EPSTI1: variants seen among roughly 807,000 people sequenced by gnomAD.
EPSTI1 encodes epithelial-stromal interaction protein 1.
A neutral mutation model predicts 49.9 loss-of-function variants in EPSTI1; 66 were observed. The ratio of observed to expected loss-of-function variants is 1.32; its 90% confidence interval spans 1.08 to 1.62. EPSTI1 has a LOEUF of 1.62. EPSTI1 is among the 40% of genes most tolerant of loss of function. EPSTI1 has a pLI of 0.00. For synonymous variants in EPSTI1, 137 were observed against 130.7 expected (o/e 1.05, Z -0.33); for missense variants, 394 against 365.5 (o/e 1.08, Z -0.64).
At chr13:42,955,695 G>A (rs755082679) in intron 5 of EPSTI1, among the ~76,000 whole-genome samples, 1 of 151,936 alleles carries the variant, frequency 6.6e-6, no homozygotes, top group Non-Finnish European at 1.5e-5. Context: ...CAAGCTACTC[G>A]GGAGGCTGAG....
intron 6 of EPSTI1, among the ~76,000 whole-genome samples, chr13:42,948,691 G>T (rs917794877): frequency 6.6e-6 from 1 of 151,954 alleles, no homozygotes; most frequent in African/African-American, 2.4e-5. Flanking sequence ...TGCCCAAGCT[G>T]GTCTTGAACT....
At chr13:42,894,145 C>T (rs2037119578) in intron 10 of EPSTI1, among the ~76,000 whole-genome samples, 1 of 152,208 alleles carries the variant, frequency 6.6e-6, no homozygotes, top group Non-Finnish European at 1.5e-5. Flanking sequence ...AAGGTACATG[C>T]TGTAAGATTT....
chr13:42,960,661 C>A (rs1236147053), intron 5 of EPSTI1, among the ~76,000 whole-genome samples: 1 of 152,158 alleles, frequency 6.6e-6, no homozygotes, highest in African/African-American at 2.4e-5. Flanking sequence ...TATCAATGGG[C>A]TAAAATCAAG....
intron 1 of EPSTI1, among the ~76,000 whole-genome samples, chr13:42,979,764 C>T (rs2039955207): frequency 6.6e-6 from 1 of 152,026 alleles, no homozygotes; most frequent in African/African-American, 2.4e-5. Context: ...AACACATCAT[C>T]CCTAAATATT....
chr13:42,923,035 T>A (rs1195389471), intron 7 of EPSTI1, among the ~76,000 whole-genome samples: 1 of 152,174 alleles, frequency 6.6e-6, no homozygotes, highest in African/African-American at 2.4e-5. Flanking sequence ...AGCAAAGATT[T>A]AGACTCGAGG....
chr13:42,937,025 G>A (rs563652988), intron 6 of EPSTI1, among the ~76,000 whole-genome samples: 10 of 151,560 alleles, frequency 6.6e-5, no homozygotes, highest in Non-Finnish European at 7.4e-5. Flanking sequence ...ATAGTCATAC[G>A]TCAGAGATAT....
chr13:42,895,481 G>C (rs2037164123), intron 9 of EPSTI1, among the ~76,000 whole-genome samples: 2 of 152,126 alleles, frequency 1.3e-5, no homozygotes, highest in African/African-American at 2.4e-5. Context: ...AAAACATGAA[G>C]AAGAACCAAA....
At chr13:42,912,553 TC>T in intron 8 of EPSTI1, among the ~76,000 whole-genome samples, 1 of 152,010 alleles carries the variant, frequency 6.6e-6, no homozygotes, top group Non-Finnish European at 1.5e-5. Flanking sequence ...GAGAAAGAAT[TC>T]CATGGGAGAT....
At chr13:42,984,537 T>C (rs909123326) in intron 1 of EPSTI1, among the ~76,000 whole-genome samples, 2 of 152,226 alleles carry the variant, frequency 1.3e-5, no homozygotes, top group Non-Finnish European at 2.9e-5. Flanking sequence ...TTGCAGAAAA[T>C]AGACACTAAA....
chr13:42,948,111 G>A lies in EPSTI1; in HGVS notation c.563+5837C>T, dbSNP rs183584894. On this transcript the variant is annotated intron_variant, in intron 6 of 10. Transcript: ENST00000313624. ...CAGGCTTCCCACCCTGCACACCGGC[G>A]CCACCCAAAGCGGCTGCATCCTGAA... Among the ~76,000 whole-genome samples the A allele has an allele frequency of 4.9e-3, 746 of 152,380 alleles. 1 individual carries two copies. Among genetic ancestry groups the A allele is most frequent in the Non-Finnish European group, 8.9e-3 (605 of 68,042 alleles).
intron 9 of EPSTI1, among the ~76,000 whole-genome samples, chr13:42,896,931 C>T (rs2037206860): frequency 6.6e-6 from 1 of 152,086 alleles, no homozygotes; most frequent in Admixed American, 6.5e-5. Context: ...AAAACCTCAT[C>T]TCTACTAAAA....
At chr13:42,918,698 TTCCTGTGTTC>T (rs2037907325) in intron 7 of EPSTI1, among the ~76,000 whole-genome samples, 3 of 152,222 alleles carry the variant, frequency 2.0e-5, no homozygotes, top group Non-Finnish European at 2.9e-5. Flanking sequence ...AAACTGGAGC[TTCCTGTGTTC>T]AGAAATCCCT....
intron 1 of EPSTI1, among the ~76,000 whole-genome samples, chr13:42,988,511 T>C (rs2040124172): frequency 6.6e-6 from 1 of 152,180 alleles, no homozygotes; most frequent in Non-Finnish European, 1.5e-5. Context: ...GGCAGGCAGA[T>C]CACAAGGTCA....
At position 42,922,849 on chromosome 13, in the gene EPSTI1, G is replaced by C. The variant is rs1484377397; in HGVS notation, c.657+3487C>G. ...ATGAGCTATAGAGCTTGGCCCCTCA[G>C]ACATTAACGTGCACACACATCTTCC... is the stretch of plus-strand genomic sequence containing the variant. On this transcript the variant is annotated intron_variant, in intron 7 of 10. Transcript: ENST00000313624. The surrounding 1 kb of genome is among the most constrained non-coding windows in gnomAD (Gnocchi z 4.8). Among the ~76,000 whole-genome samples the C allele has an allele frequency of 6.6e-6, 1 of 152,234 alleles. No homozygotes were observed. Among genetic ancestry groups the C allele is most frequent in the Non-Finnish European group, 1.5e-5 (1 of 68,042 alleles).
chr13:42,929,591 T>C lies in EPSTI1; in HGVS notation c.564-3162A>G, dbSNP rs114856080. Reference sequence around the variant, plus strand: ...CCCAACTTGTTCAACTACAGGTATATTCCTGGTAGTTTTTGGTTAACGCAC... The same window carrying C: ...CCCAACTTGTTCAACTACAGGTATACTCCTGGTAGTTTTTGGTTAACGCAC... On this transcript the variant is annotated intron_variant, in intron 6 of 10. Coordinates refer to ENST00000313624, the MANE Select transcript of EPSTI1 (RefSeq NM_033255.5). Among the ~76,000 whole-genome samples, 218 of 152,334 alleles carry C rather than the reference T, an allele frequency of 1.4e-3. 1 individual carries two copies. Among genetic ancestry groups the C allele is most frequent in the African/African-American group, 4.7e-3 (196 of 41,572 alleles).
At chr13:42,934,934 T>A (rs1223823710) in intron 6 of EPSTI1, 1 of 156,632 alleles carries the variant, frequency 6.4e-6, no homozygotes, top group African/African-American at 2.4e-5. Context: ...GCATTTATTA[T>A]TTAAGAAAAA....
intron 6 of EPSTI1, among the ~76,000 whole-genome samples, chr13:42,949,213 T>C (rs2153427658): frequency 6.6e-6 from 1 of 152,302 alleles, no homozygotes; most frequent in Non-Finnish European, 1.5e-5. Flanking sequence ...AAAATTTGCA[T>C]ATGTAGAGAC....
intron 8 of EPSTI1, among the ~76,000 whole-genome samples, chr13:42,915,099 G>A (rs1450071867): frequency 6.6e-6 from 1 of 152,204 alleles, no homozygotes; most frequent in East Asian, 1.9e-4. Flanking sequence ...TTTGCGGAAT[G>A]AATGGAATAA....
rs370067754 is a variant in EPSTI1 at position 42,888,326 on chromosome 13, T to C, written c.*168A>G. On this transcript the variant is annotated 3_prime_UTR_variant, in exon 11 of 11. Coordinates refer to ENST00000313624, the MANE Select transcript of EPSTI1 (RefSeq NM_033255.5). The stretch of plus-strand genomic sequence containing the variant: ...AGGAATCAGCTCCTCCAAACATGCA[T>C]AAATGAGGACAAGGAGAAGCCAGTC... 53 of 1,613,906 alleles carry C rather than the reference T, an allele frequency of 3.3e-5. No individual in the cohort carries two copies. The highest frequency in any genetic ancestry group is 4.3e-5 in the Non-Finnish European group (51 of 1,179,984).
Sources: gnomAD v4.1 joint callset for allele counts (sites outside exome capture counted in the v4.1 genomes callset) on GRCh38, gnomAD v4.1.1 for gene constraint, Gnocchi (gnomAD v3.1) non-coding constraint, MANE v1.5 for transcripts, NCBI Gene and HGNC (gene_info 2026-07-23, HGNC 2026-07-21) for gene names.